Variants in CHST15 observed in about 807,000 individuals in gnomAD.
The protein encoded by CHST15 is carbohydrate sulfotransferase 15, also known as B cell RAG associated protein (GALNAC4S-6ST).
A neutral mutation model predicts 53.6 loss-of-function variants in CHST15; 30 were observed. The observed-to-expected ratio is 0.56, with a 90% CI of 0.42 to 0.76. The LOEUF (loss-of-function observed/expected upper bound fraction) is 0.76, where lower values mean the gene tolerates loss of function less well. Ranked by LOEUF, CHST15 falls within the 30% of genes least tolerant of loss-of-function variation. The pLI is 0.00. For synonymous variants in CHST15, 296 were observed against 289.8 expected (o/e 1.02, Z -0.22); for missense variants, 627 against 740.5 (o/e 0.85, Z 1.78).
intron 6 of CHST15, chr10:124,020,882 C>A (rs2133859798): frequency 9.4e-6 from 12 of 1,271,080 alleles, no homozygotes; most frequent in East Asian, 6.1e-5. Context: ...TTTTTTAAAC[C>A]AACAAAACAA....
chr10:124,072,979 T>A (rs1948967587), intron 1 of CHST15, among the ~76,000 whole-genome samples: 1 of 152,182 alleles, frequency 6.6e-6, no homozygotes, highest in South Asian at 2.1e-4. Flanking sequence ...TCCAGGCTCT[T>A]ATTTCATCTT....
At position 124,059,943 on chromosome 10, in the gene CHST15, G is replaced by T. The variant is rs183603705; in HGVS notation, c.-512-13219C>A. ...CCTCTGGAGGGTTTTAGAGCCAGGCGAGTGGAGTTTCTCCAGGGGGTCACC... is the reference window on the plus strand; with the variant it reads ...CCTCTGGAGGGTTTTAGAGCCAGGCTAGTGGAGTTTCTCCAGGGGGTCACC... On this transcript the variant is annotated intron_variant, in intron 1 of 7. Transcript: ENST00000435907. Among the ~76,000 whole-genome samples the T allele has an allele frequency of 2.4e-4, 37 of 152,314 alleles. 1 individual carries two copies. The highest frequency in any genetic ancestry group is 2.4e-3 in the Admixed American group (36 of 15,306).
In CHST15 at chr10:124,051,827, C is replaced by A. The variant is rs543958385; in HGVS notation, c.-512-5103G>T. On this transcript the variant is annotated intron_variant, in intron 1 of 7. Coordinates refer to ENST00000435907, the MANE Select transcript of CHST15 (RefSeq NM_001270764.2). ...ATTGTAATTGAGAGACCCAGAAATA[C>A]CACTTTAGATTAAGTAATTGAATGC... 7.2e-5 allele frequency among the ~76,000 whole-genome samples: 11 copies of A among 152,270 alleles called. No individual in the cohort carries two copies. The South Asian group carries it at 2.3e-3, about 32-fold the overall frequency.
At chr10:124,021,229 G>A (rs755139218) in intron 6 of CHST15, 27 bp downstream of exon 6, 3 of 1,554,546 alleles carry the variant, frequency 1.9e-6, no homozygotes, top group Admixed American at 3.7e-5. Context: ...GGCCAGCTCG[G>A]GGGGTACGGG....
Position 124,010,178 on chromosome 10 carries a change from C to T in CHST15, c.1657G>A (p.Asp553Asn), listed in dbSNP as rs761889134. ...FNARLAQVLADEAFAWKTT is the reference protein window; with the variant it reads ...FNARLAQVLANEAFAWKTT ...GTCGTCTTCCACGCAAACGCCTCATCCGCGAGGACCTGCGCCAGCCTAGCG... is the reference window on the plus strand; with the variant it reads ...GTCGTCTTCCACGCAAACGCCTCATTCGCGAGGACCTGCGCCAGCCTAGCG... The change falls in exon 8 of 8, where the codon GAT (aspartate) becomes AAT (asparagine). Residue 553 changes from aspartate (D) to asparagine (N), a missense_variant. By Grantham distance (23) the Asp-to-Asn change is conservative (BLOSUM62 1). This residue lies in a region of CHST15 where 279 missense variants were observed against 371.6 expected (regional missense o/e 0.75). Transcript: ENST00000435907. 15 of 1,613,498 alleles carry T rather than the reference C, an allele frequency of 9.3e-6. No homozygotes were observed. Among genetic ancestry groups the T allele is most frequent in the Non-Finnish European group, 1.2e-5 (14 of 1,180,046 alleles).
intron 4 of CHST15, among the ~76,000 whole-genome samples, chr10:124,040,893 G>T (rs76230132): frequency 0.016 from 2,389 of 152,322 alleles, 69 homozygotes; most frequent in African/African-American, 0.055. Context: ...AGACCAAACT[G>T]AGGCTTTCCT....
At chr10:124,039,771 A>G (rs940206406) in intron 4 of CHST15, among the ~76,000 whole-genome samples, 2 of 152,138 alleles carry the variant, frequency 1.3e-5, no homozygotes, top group African/African-American at 4.8e-5. Context: ...GTGTGCGTGT[A>G]TGTGTGTGTG....
intron 1 of CHST15, among the ~76,000 whole-genome samples, chr10:124,091,296 T>C (rs1481901836): frequency 6.6e-6 from 1 of 152,240 alleles, no homozygotes; most frequent in Non-Finnish European, 1.5e-5. Flanking sequence ...AAGTGCCATG[T>C]TCTGGAAGGG....
intron 1 of CHST15, among the ~76,000 whole-genome samples, chr10:124,092,857 C>A (rs943235450): frequency 6.6e-6 from 1 of 152,242 alleles, no homozygotes; most frequent in Non-Finnish European, 1.5e-5. Flanking sequence ...GTCGGTCCCC[C>A]GCCTGCGGCT....
intron 6 of CHST15, chr10:124,020,916 T>C (rs1252120425): frequency 7.3e-7 from 1 of 1,378,096 alleles, no homozygotes; most frequent in East Asian, 2.7e-5. Flanking sequence ...AGAATGCTCT[T>C]AAGACAATTT....
At chr10:124,091,957 G>A (rs1949612687) in intron 1 of CHST15, among the ~76,000 whole-genome samples, 1 of 151,976 alleles carries the variant, frequency 6.6e-6, no homozygotes, top group Non-Finnish European at 1.5e-5. Flanking sequence ...ACAGCGACGG[G>A]GAGGTCAAGC....
intron 6 of CHST15, 178 bp downstream of exon 6, chr10:124,021,078 C>A: frequency 1.4e-6 from 2 of 1,468,552 alleles, no homozygotes; most frequent in South Asian, 1.4e-5. Flanking sequence ...AGACCAAGAG[C>A]CCATCAGTTT....
chr10:124,056,253 C>T (rs1305670300), intron 1 of CHST15, among the ~76,000 whole-genome samples: 4 of 152,140 alleles, frequency 2.6e-5, no homozygotes, highest in African/African-American at 7.2e-5. Context: ...GAATCCCTTC[C>T]GAGAATACAG....
chr10:124,038,476 C>T, intron 5 of CHST15, 39 bp downstream of exon 5: 2 of 1,601,512 alleles, frequency 1.2e-6, no homozygotes, highest in Non-Finnish European at 1.7e-6. Flanking sequence ...TCAAAAGTTC[C>T]TCTTCTCACC....
intron 1 of CHST15, among the ~76,000 whole-genome samples, chr10:124,086,621 G>A (rs976903027): frequency 4.6e-5 from 7 of 152,040 alleles, no homozygotes; most frequent in East Asian, 1.9e-4. Flanking sequence ...AGCTGCAGTC[G>A]GGAACAGCCA....
chr10:124,021,201 C>T (rs762430515), intron 6 of CHST15, 55 bp downstream of exon 6: 8 of 1,567,782 alleles, frequency 5.1e-6, no homozygotes, highest in African/African-American at 1.4e-5. Flanking sequence ...TAACAACAAA[C>T]CAGCTCCTTC....
intron 1 of CHST15, among the ~76,000 whole-genome samples, chr10:124,081,835 C>G (rs1170897617): frequency 6.6e-6 from 1 of 152,108 alleles, no homozygotes; most frequent in Non-Finnish European, 1.5e-5. Context: ...TTTCACCCAG[C>G]GTACCCTTGA....
chr10:124,059,345 G>A (rs914181799), intron 1 of CHST15, among the ~76,000 whole-genome samples: 8 of 152,304 alleles, frequency 5.3e-5, no homozygotes, highest in Non-Finnish European at 1.0e-4. Flanking sequence ...TCTGGCTGTG[G>A]TGTATTTAGA....
intron 1 of CHST15, among the ~76,000 whole-genome samples, chr10:124,064,500 C>T (rs1948690645): frequency 6.6e-6 from 1 of 152,180 alleles, no homozygotes; most frequent in Non-Finnish European, 1.5e-5. Flanking sequence ...AGCCCTGGCG[C>T]TGTGGGGCTT....
Sources: allele counts gnomAD v4.1 joint callset (sites outside exome capture counted in the v4.1 genomes callset), GRCh38; gene constraint gnomAD v4.1.1; regional missense constraint gnomAD v4.1.1; transcripts MANE v1.5; gene names NCBI Gene and HGNC (gene_info 2026-07-23, HGNC 2026-07-21).